ARMC9: variants seen among roughly 807,000 people sequenced by gnomAD.
ARMC9 encodes the protein armadillo repeat containing 9.
In ARMC9, 94 loss-of-function variants were observed where a neutral mutation model predicts 107.0. The ratio of observed to expected loss-of-function variants is 0.88; its 90% confidence interval spans 0.74 to 1.04. The LOEUF is 1.04. Among genes scored for constraint, ARMC9 ranks in the 50% least tolerant of loss-of-function variants. The probability of loss-of-function intolerance (pLI) is 0.00; values close to 1 mark genes in which losing one functional copy is unlikely to be tolerated. For missense variants in ARMC9, 942 were observed against 1,030.1 expected, an observed-to-expected ratio of 0.91 and a Z score of 1.17; for synonymous variants, 380 against 396.9, an observed-to-expected ratio of 0.96 and a Z score of 0.51.
intron 21 of ARMC9, among the ~76,000 whole-genome samples, chr2:231,351,400 A>C (rs1056027798): frequency 3.3e-5 from 5 of 152,108 alleles, no homozygotes; most frequent in Non-Finnish European, 7.3e-5. Flanking sequence ...TTTATGTTGA[A>C]TATTACATTT....
chr2:231,272,500 GTGTTTGTTTGTTTGTT>G (rs61386916), intron 13 of ARMC9, among the ~76,000 whole-genome samples: 2 of 147,492 alleles, frequency 1.4e-5, no homozygotes, highest in Non-Finnish European at 1.5e-5. Flanking sequence ...CAACCAGTAA[GTGTTTGTTTGTTTGTT>G]TGTTTGTTTG....
At chr2:231,199,592 A>C (rs1003638486) in intron 1 of ARMC9, among the ~76,000 whole-genome samples, 3 of 152,240 alleles carry the variant, frequency 2.0e-5, no homozygotes, top group Admixed American at 6.5e-5. Flanking sequence ...GTTTACTATG[A>C]AGGTTAAATG....
intron 23 of ARMC9, among the ~76,000 whole-genome samples, chr2:231,369,062 TG>T (rs2045918918): frequency 6.6e-6 from 1 of 152,212 alleles, no homozygotes; most frequent in Non-Finnish European, 1.5e-5. Flanking sequence ...TGCTAACAAC[TG>T]GGCCCAGGAT....
rs530660534 is a variant in ARMC9, at chr2:231,374,870, G to A, written c.*3335G>A. The A allele has an allele frequency of 1.3e-5, 2 of 152,066 alleles. No homozygotes were observed. The highest frequency in any genetic ancestry group is 4.8e-5 in the African/African-American group (2 of 41,374). 9.4% of individuals were successfully genotyped at this position (152,066 alleles called of 1,614,324 possible). On this transcript the variant is annotated 3_prime_UTR_variant, in exon 25 of 25. Transcript: ENST00000611582. ...GTTTTGGGGTAGCCCTTTAAATTTT[G>A]TATGCAAGGTGAATACCTCACCCCT... is the stretch of plus-strand genomic sequence containing the variant.
chr2:231,244,982 G>A (rs571491883), intron 9 of ARMC9, among the ~76,000 whole-genome samples: 43 of 152,326 alleles, frequency 2.8e-4, no homozygotes, highest in Middle Eastern at 3.4e-3. Context: ...CACCACAAGA[G>A]GAAAGAAGTG....
chr2:231,273,761 C>T (rs981488824), intron 14 of ARMC9, among the ~76,000 whole-genome samples: 4 of 152,122 alleles, frequency 2.6e-5, no homozygotes, highest in African/African-American at 9.7e-5. Context: ...TGTATTTACA[C>T]ACCATAATAT....
intron 2 of ARMC9, among the ~76,000 whole-genome samples, chr2:231,206,573 A>G (rs1418755971): frequency 6.6e-6 from 1 of 152,196 alleles, no homozygotes; most frequent in Non-Finnish European, 1.5e-5. Flanking sequence ...TCCCTCCCAG[A>G]CTTTTTTCTA....
At chr2:231,216,553 A>G in intron 4 of ARMC9, 85 bp from the exon 5 acceptor site, 1 of 1,452,504 alleles carries the variant, frequency 6.9e-7, no homozygotes, top group East Asian at 2.3e-5. Flanking sequence ...ACTGGGACAG[A>G]AGGAGCCTCA....
intron 9 of ARMC9, among the ~76,000 whole-genome samples, chr2:231,242,216 A>G (rs2036365677): frequency 6.6e-6 from 1 of 151,032 alleles, no homozygotes; most frequent in Non-Finnish European, 1.5e-5. Flanking sequence ...TGGTGCTAAG[A>G]CCCGGGATAA....
chr2:231,373,259 C>T lies in ARMC9; in HGVS notation c.*1724C>T, dbSNP rs1333897206. On this transcript the variant is annotated 3_prime_UTR_variant, in exon 25 of 25. Transcript: ENST00000611582. The surrounding 1 kb of genome is among the most constrained non-coding windows in gnomAD (Gnocchi z 4.4). ...GAGGGTCCGCAAAATGCAACTCCTC[C>T]GTGGTGAGACTTTGAAAAGGTGTAG... The T allele has an allele frequency of 6.6e-6, 1 of 152,248 alleles. No homozygotes were observed. The highest frequency in any genetic ancestry group is 1.9e-4 in the East Asian group (1 of 5,192). 9.4% of individuals were successfully genotyped at this position (152,248 alleles called of 1,614,324 possible).
chr2:231,292,814 C>T (rs529651297), intron 18 of ARMC9, among the ~76,000 whole-genome samples: 3 of 152,356 alleles, frequency 2.0e-5, no homozygotes, highest in African/African-American at 7.2e-5. Flanking sequence ...GCTGCTTGGC[C>T]AAGGCCAGAA....
chr2:231,238,345 G>A (rs1403601220), intron 8 of ARMC9, among the ~76,000 whole-genome samples: 1 of 152,014 alleles, frequency 6.6e-6, no homozygotes, highest in Non-Finnish European at 1.5e-5. Flanking sequence ...GATGAAAAAG[G>A]TATGTTTTTT....
chr2:231,278,754 A>G (rs1044511526), intron 16 of ARMC9, among the ~76,000 whole-genome samples: 1 of 151,940 alleles, frequency 6.6e-6, no homozygotes, highest in Non-Finnish European at 1.5e-5. Context: ...CCTCCCCCAC[A>G]TGCCATTCCC....
Position 231,376,686 on chromosome 2 carries a change from A to G in ARMC9, c.*5151A>G, listed in dbSNP as rs1013985181. Among the ~76,000 whole-genome samples, 1 of 151,862 alleles carries G rather than the reference A, an allele frequency of 6.6e-6. No individual in the cohort carries two copies. The highest frequency in any genetic ancestry group is 1.5e-5 in the Non-Finnish European group (1 of 67,992). On this transcript the variant is annotated 3_prime_UTR_variant, in exon 25 of 25. Coordinates refer to ENST00000611582, the MANE Select transcript of ARMC9 (RefSeq NM_001352754.2). The stretch of plus-strand genomic sequence containing the variant: ...GCCTCCACTTGCCTTGTGATATTCT[A>G]TTACCCTGTTAAGTACTTGATGTCT...
At chr2:231,205,552 A>G (rs1188743598) in intron 1 of ARMC9, among the ~76,000 whole-genome samples, 1 of 152,178 alleles carries the variant, frequency 6.6e-6, no homozygotes, top group Non-Finnish European at 1.5e-5. Context: ...GGTGTGGGCC[A>G]TGGGGAATGA....
intron 19 of ARMC9, among the ~76,000 whole-genome samples, chr2:231,318,535 T>C (rs571020519): frequency 5.3e-5 from 8 of 152,310 alleles, no homozygotes; most frequent in Admixed American, 3.3e-4. Flanking sequence ...CCCCCTTCAA[T>C]TTCTAGCAGC....
chr2:231,372,699 G>GGGGTGTGTGTGT lies in ARMC9; in HGVS notation c.*1165_*1166insGGTGTGTGTGTG, dbSNP rs1233196380. The GGGGTGTGTGTGT allele has an allele frequency of 1.6e-5, 2 of 127,676 alleles. No homozygotes were observed. The highest frequency in any genetic ancestry group is 3.0e-5 in the African/African-American group (1 of 33,874). 7.9% of individuals were successfully genotyped at this position (127,676 alleles called of 1,614,324 possible). A position where few individuals can be genotyped will look rare whatever the true frequency, so the allele number is the denominator to read the frequency against. ...CAAATAAAACCCATCAGTATTTAGT[G>GGGGTGTGTGTGT]GTGTGTGTGTGTGTGTGTGTGTGTG... On this transcript the variant is annotated 3_prime_UTR_variant, in exon 25 of 25. Coordinates refer to ENST00000611582, the MANE Select transcript of ARMC9 (RefSeq NM_001352754.2).
intron 8 of ARMC9, among the ~76,000 whole-genome samples, chr2:231,238,666 T>C (rs570832051): frequency 3.9e-5 from 6 of 152,354 alleles, no homozygotes; most frequent in African/African-American, 1.4e-4. Context: ...AAAATGAATG[T>C]TGAAATTTTA....
At chr2:231,340,366 G>A (rs999497651) in intron 20 of ARMC9, among the ~76,000 whole-genome samples, 2 of 152,086 alleles carry the variant, frequency 1.3e-5, no homozygotes, top group African/African-American at 4.8e-5. Flanking sequence ...TGCATCAAGC[G>A]CCTTTACCTC....
Sources: gnomAD v4.1 joint callset for allele counts (sites outside exome capture counted in the v4.1 genomes callset) on GRCh38, gnomAD v4.1.1 for gene constraint, Gnocchi (gnomAD v3.1) non-coding constraint, MANE v1.5 for transcripts, NCBI Gene and HGNC (gene_info 2026-07-23, HGNC 2026-07-21) for gene names.